RBFOX1: variants seen among roughly 807,000 people sequenced by gnomAD.
RBFOX1 encodes RNA binding fox-1 homolog 1, also known as RNA binding protein fox-1 homolog 1.
In RBFOX1, 8 loss-of-function variants were observed where a neutral mutation model predicts 57.7. The observed-to-expected ratio is 0.14, with a 90% CI of 0.08 to 0.25. The LOEUF (loss-of-function observed/expected upper bound fraction) is 0.25, where lower values mean the gene tolerates loss of function less well. Among genes scored for constraint, RBFOX1 ranks in the 10% least tolerant of loss-of-function variants. The pLI, the probability that RBFOX1 is intolerant of heterozygous loss-of-function variation, is 1.00. For missense variants in RBFOX1, 611 were observed against 548.5 expected (o/e 1.11, Z -1.14); for synonymous variants, 326 against 222.4 (o/e 1.47, Z -4.15).
intron 4 of RBFOX1, among the ~76,000 whole-genome samples, chr16:7,228,272 A>G (rs536451376): frequency 1.5e-3 from 231 of 152,308 alleles, no homozygotes; most frequent in East Asian, 1.9e-3. Flanking sequence ...ATCAGAGCTG[A>G]GGACTATATT....
intron 1 of RBFOX1, among the ~76,000 whole-genome samples, chr16:5,378,074 C>T (rs930386046): frequency 3.3e-5 from 5 of 151,604 alleles, no homozygotes. Flanking sequence ...CAGTGTTGCA[C>T]TGCCTGCCAA....
intron 3 of RBFOX1, among the ~76,000 whole-genome samples, chr16:6,855,151 T>C (rs1443517964): frequency 6.6e-6 from 1 of 152,088 alleles, no homozygotes; most frequent in African/African-American, 2.4e-5. Flanking sequence ...TCCGTGAGTG[T>C]GTAGCTATAC....
intron 4 of RBFOX1, among the ~76,000 whole-genome samples, chr16:7,323,086 G>A (rs577814894): frequency 6.6e-6 from 1 of 152,136 alleles, no homozygotes; most frequent in African/African-American, 2.4e-5. Context: ...TGACTAAGGG[G>A]TGGAGAGTAA....
At chr16:6,529,585 T>C (rs4362389) in intron 2 of RBFOX1, among the ~76,000 whole-genome samples, 7,699 of 32,724 alleles carry the variant, frequency 0.24, 486 homozygotes, top group African/African-American at 0.41. Context: ...ATTAATAATA[T>C]ATTATTATTT....
In RBFOX1 at chr16:7,447,449, A is replaced by G. The variant is rs553513191; in HGVS notation, c.28-70698A>G. ...CTATCTCAAAAAAAAAAAAAAAAAAAAGAGAGATTCCAATGAGATTCAAAA... is the reference window on the plus strand; with the variant it reads ...CTATCTCAAAAAAAAAAAAAAAAAAGAGAGAGATTCCAATGAGATTCAAAA... On this transcript the variant is annotated intron_variant, in intron 4 of 15. Transcript: ENST00000550418. 3.3e-4 allele frequency among the ~76,000 whole-genome samples: 50 copies of G among 151,474 alleles called. No individual in the cohort carries two copies. In the South Asian group the frequency reaches 8.4e-3, roughly 25 times the overall value.
intron 4 of RBFOX1, among the ~76,000 whole-genome samples, chr16:5,967,910 C>T (rs1185857267): frequency 1.3e-5 from 2 of 152,084 alleles, no homozygotes; most frequent in Admixed American, 6.6e-5. Flanking sequence ...GTATCCCTAC[C>T]ATTCCTCTGT....
At chr16:7,620,520 A>G (rs1001863244) in intron 10 of RBFOX1, among the ~76,000 whole-genome samples, 2 of 152,230 alleles carry the variant, frequency 1.3e-5, no homozygotes, top group African/African-American at 4.8e-5. Flanking sequence ...TAGAAGATAC[A>G]TTCTGCCCAA....
At chr16:7,345,937 C>G (rs2096992226) in intron 4 of RBFOX1, among the ~76,000 whole-genome samples, 2 of 152,136 alleles carry the variant, frequency 1.3e-5, no homozygotes, top group African/African-American at 4.8e-5. Flanking sequence ...ATTAACTCGT[C>G]ATTTACATTA....
intron 7 of RBFOX1, 21 bp downstream of exon 7, chr16:7,587,321 T>C (rs953365504): frequency 1.3e-6 from 2 of 1,524,250 alleles, no homozygotes; most frequent in African/African-American, 1.4e-5. Context: ...TAATTCACTT[T>C]AGAATTGTTT....
At chr16:6,890,383 G>C (rs2065121965) in intron 3 of RBFOX1, among the ~76,000 whole-genome samples, 2 of 152,162 alleles carry the variant, frequency 1.3e-5, no homozygotes, top group South Asian at 4.1e-4. Flanking sequence ...GCTGGGCGTG[G>C]TGGTGGGCAC....
intron 3 of RBFOX1, among the ~76,000 whole-genome samples, chr16:6,861,714 G>A (rs545878338): frequency 3.3e-5 from 5 of 151,720 alleles, no homozygotes; most frequent in East Asian, 3.9e-4. Context: ...TGGAAGGCCC[G>A]GAAGTCTTCA....
rs543127919 is a variant in RBFOX1 at position 6,362,069 on chromosome 16, A to C, written c.-64+45012A>C. 3.3e-4 allele frequency among the ~76,000 whole-genome samples: 51 copies of C among 152,298 alleles called. 1 individual carries two copies. In the South Asian group the frequency reaches 1.0e-2, roughly 30 times the overall value. ...GCAAATCCTTTCTGACTCAATAGAA[A>C]TCAGGTTCACGTGGCAATTATAACA... is the stretch of plus-strand genomic sequence containing the variant. On this transcript the variant is annotated intron_variant, in intron 2 of 15. Transcript: ENST00000550418.
chr16:6,983,448 C>CTT lies in RBFOX1; in HGVS notation c.-15-68597_-15-68596dup, dbSNP rs1255901429. Reference sequence around the variant, plus strand: ...TGCTTCTGGTCCGCCGACTTGCTGGCTTTTTTTTTTTTTAATAGGATTATG... The same window carrying CTT: ...TGCTTCTGGTCCGCCGACTTGCTGGCTTTTTTTTTTTTTTTAATAGGATTATG... On this transcript the variant is annotated intron_variant, in intron 3 of 15. Transcript: ENST00000550418. Among the ~76,000 whole-genome samples the CTT allele has an allele frequency of 4.1e-3, 538 of 131,162 alleles. 8 individuals carry two copies. Among genetic ancestry groups the CTT allele is most frequent in the African/African-American group, 0.014 (511 of 36,124 alleles). The allele number at this position is 131,162 out of a possible 152,430, so 86.0% of individuals were successfully genotyped here. A position where few individuals can be genotyped will look rare whatever the true frequency, so the allele number is the denominator to read the frequency against.
At chr16:6,718,901 T>C (rs1045368504) in intron 3 of RBFOX1, among the ~76,000 whole-genome samples, 1 of 152,094 alleles carries the variant, frequency 6.6e-6, no homozygotes, top group Admixed American at 6.6e-5. Context: ...CTTGTACTGT[T>C]GCCTAGGCTG....
chr16:6,762,691 C>T (rs1468914502), intron 3 of RBFOX1, among the ~76,000 whole-genome samples: 7 of 151,920 alleles, frequency 4.6e-5, no homozygotes, highest in Admixed American at 3.9e-4. Flanking sequence ...GTTTTGGGCC[C>T]CAGTGATTTG....
At chr16:7,465,437 G>GT (rs2060338847) in intron 4 of RBFOX1, among the ~76,000 whole-genome samples, 1 of 152,216 alleles carries the variant, frequency 6.6e-6, no homozygotes, top group Admixed American at 6.5e-5. Flanking sequence ...GGTGTTTGTG[G>GT]AATGACTTGG....
intron 1 of RBFOX1, among the ~76,000 whole-genome samples, chr16:6,242,162 T>C (rs979896479): frequency 2.6e-5 from 4 of 152,166 alleles, no homozygotes; most frequent in Non-Finnish European, 2.9e-5. Context: ...TATTTGTATA[T>C]TTATTATGTG....
chr16:7,295,230 G>T (rs1246872724), intron 4 of RBFOX1, among the ~76,000 whole-genome samples: 3 of 152,090 alleles, frequency 2.0e-5, no homozygotes, highest in African/African-American at 7.2e-5. Context: ...AAGGTGATGT[G>T]TATGATGTCT....
At chr16:5,681,235 G>C (rs1351810214) in intron 3 of RBFOX1, among the ~76,000 whole-genome samples, 1 of 142,552 alleles carries the variant, frequency 7.0e-6, no homozygotes, top group East Asian at 2.4e-4. Context: ...CACCATGCCT[G>C]GCTAATTTTT....
Sources: gnomAD v4.1 joint callset for allele counts (sites outside exome capture counted in the v4.1 genomes callset) on GRCh38, gnomAD v4.1.1 for gene constraint, MANE v1.5 for transcripts, NCBI Gene and HGNC (gene_info 2026-07-23, HGNC 2026-07-21) for gene names.